LTBP1: variants seen among roughly 807,000 people sequenced by gnomAD.
LTBP1 encodes the protein latent-transforming growth factor beta-binding protein 1.
LTBP1 carries 129 observed loss-of-function variants against 207.6 expected under a neutral mutation model. The ratio of observed to expected loss-of-function variants is 0.62; its 90% CI spans 0.54 to 0.72. LTBP1 has a LOEUF of 0.72. Among genes scored for constraint, LTBP1 ranks in the 30% least tolerant of loss-of-function variants. The pLI, the probability that LTBP1 is intolerant of heterozygous loss-of-function variation, is 0.00. For synonymous variants in LTBP1, 963 were observed against 833.7 expected (o/e 1.16, Z -2.67); for missense variants, 2,281 against 2,217.2 (o/e 1.03, Z -0.58).
chr2:33,089,071 G>A (rs1262981396), intron 3 of LTBP1, among the ~76,000 whole-genome samples: 2 of 148,776 alleles, frequency 1.3e-5, no homozygotes, highest in Non-Finnish European at 3.0e-5. Flanking sequence ...CAGGAGAATC[G>A]CTTGAACCCG....
At chr2:33,208,882 T>TG (rs1414509780) in intron 7 of LTBP1, among the ~76,000 whole-genome samples, 2 of 149,638 alleles carry the variant, frequency 1.3e-5, no homozygotes, top group Non-Finnish European at 3.0e-5. Flanking sequence ...TTTTTTTTTT[T>TG]TTTGAGATGG....
intron 25 of LTBP1, among the ~76,000 whole-genome samples, chr2:33,346,570 G>T (rs1371686889): frequency 1.3e-5 from 2 of 152,014 alleles, no homozygotes; most frequent in African/African-American, 4.8e-5. Flanking sequence ...TATAATCCCA[G>T]CTACTCAGGA....
At chr2:33,237,102 C>G (rs1487152711) in intron 9 of LTBP1, among the ~76,000 whole-genome samples, 1 of 152,060 alleles carries the variant, frequency 6.6e-6, no homozygotes, top group Non-Finnish European at 1.5e-5. Context: ...GAGACTCATA[C>G]AATAGTCTTT....
chr2:33,108,460 T>C (rs1004825536), intron 3 of LTBP1, among the ~76,000 whole-genome samples: 1 of 152,178 alleles, frequency 6.6e-6, no homozygotes, highest in African/African-American at 2.4e-5. Context: ...TGGTTTTACC[T>C]AGTTTATTAC....
Position 33,275,763 on chromosome 2 carries a change from G to A in LTBP1, c.2870-38G>A, listed in dbSNP as rs749840394. ...ATGGGAGAGGTTTGAAACAGTATTT[G>A]GAACACAAAACTCAACAATGCTATC... On this transcript the variant is annotated intron_variant, in intron 17 of 33. Transcript: ENST00000404816. 2.5e-6 allele frequency: 4 copies of A among 1,612,482 alleles called. No homozygotes were observed. In the South Asian group the frequency reaches 3.3e-5, roughly 13 times the overall value.
At chr2:32,978,182 C>CT (rs1682123451) in intron 2 of LTBP1, among the ~76,000 whole-genome samples, 1 of 152,098 alleles carries the variant, frequency 6.6e-6, no homozygotes, top group Non-Finnish European at 1.5e-5. Context: ...TTGACTTCTT[C>CT]CTTTTCAATT....
intron 9 of LTBP1, among the ~76,000 whole-genome samples, chr2:33,237,018 A>C (rs754569336): frequency 8.5e-5 from 13 of 152,192 alleles, no homozygotes; most frequent in Non-Finnish European, 1.9e-4. Context: ...TTTTATAATC[A>C]TGGGACAGTT....
intron 19 of LTBP1, among the ~76,000 whole-genome samples, chr2:33,288,621 C>T (rs762025521): frequency 5.3e-5 from 8 of 151,924 alleles, no homozygotes; most frequent in Non-Finnish European, 1.2e-4. Flanking sequence ...TTTGGGAGGC[C>T]GAGGCGGGCA....
chr2:33,279,955 T>A, intron 18 of LTBP1, 84 bp from the exon 19 acceptor site: 1 of 1,457,240 alleles, frequency 6.9e-7, no homozygotes, highest in Non-Finnish European at 9.5e-7. Flanking sequence ...ATAACATGCT[T>A]TCCCCCGCTG....
chr2:33,255,546 G>A (rs1036049597), intron 11 of LTBP1, among the ~76,000 whole-genome samples: 8 of 152,100 alleles, frequency 5.3e-5, no homozygotes, highest in African/African-American at 1.4e-4. Context: ...TGTTTATTGC[G>A]GCATTATTCA....
chr2:33,077,925 C>CTG (rs1173779767), intron 3 of LTBP1, among the ~76,000 whole-genome samples: 1 of 152,062 alleles, frequency 6.6e-6, no homozygotes, highest in Non-Finnish European at 1.5e-5. Context: ...GGTATCAGTC[C>CTG]ACTGAAAGCA....
At chr2:33,275,573 AC>A (rs1383199601) in intron 17 of LTBP1, among the ~76,000 whole-genome samples, 1 of 152,040 alleles carries the variant, frequency 6.6e-6, no homozygotes, top group African/African-American at 2.4e-5. Context: ...AATCCCAGCT[AC>A]TTGGGAGGCT....
intron 2 of LTBP1, among the ~76,000 whole-genome samples, chr2:32,960,544 C>T (rs1016451517): frequency 6.6e-6 from 1 of 152,146 alleles, no homozygotes; most frequent in Non-Finnish European, 1.5e-5. Flanking sequence ...TCTTTCTGCT[C>T]AATATCATCA....
intron 5 of LTBP1, among the ~76,000 whole-genome samples, chr2:33,149,864 G>C (rs2083370409): frequency 6.6e-6 from 1 of 152,186 alleles, no homozygotes; most frequent in Non-Finnish European, 1.5e-5. Flanking sequence ...AATTCTGAGT[G>C]TGTTTATTTG....
intron 3 of LTBP1, among the ~76,000 whole-genome samples, chr2:33,088,228 T>C (rs1327846515): frequency 6.6e-6 from 1 of 151,948 alleles, no homozygotes; most frequent in Non-Finnish European, 1.5e-5. Context: ...CCAAGGCGGG[T>C]GGATCACGAG....
chr2:33,092,025 T>C (rs1033400630), intron 3 of LTBP1, among the ~76,000 whole-genome samples: 1 of 152,218 alleles, frequency 6.6e-6, no homozygotes, highest in Non-Finnish European at 1.5e-5. Context: ...TTTTACATCT[T>C]GAGTTTTTCA....
At chr2:33,109,028 T>G (rs2080233088) in intron 3 of LTBP1, among the ~76,000 whole-genome samples, 1 of 152,184 alleles carries the variant, frequency 6.6e-6, no homozygotes, top group Non-Finnish European at 1.5e-5. Flanking sequence ...CAAAATAGAT[T>G]TTCCAGGCTT....
chr2:33,025,465 G>T (rs574403742), intron 3 of LTBP1, among the ~76,000 whole-genome samples: 46 of 152,232 alleles, frequency 3.0e-4, no homozygotes, highest in Non-Finnish European at 2.9e-4. Flanking sequence ...ATGGAAGGAC[G>T]CCTCGTAGCT....
At chr2:33,311,532 A>G (rs1325638065) in intron 23 of LTBP1, among the ~76,000 whole-genome samples, 1 of 100,306 alleles carries the variant, frequency 1.0e-5, no homozygotes, top group Non-Finnish European at 2.1e-5. Context: ...ATACCAAGAG[A>G]TGGAAAAAAA....
Sources: gnomAD v4.1 joint callset for allele counts (sites outside exome capture counted in the v4.1 genomes callset) on GRCh38, gnomAD v4.1.1 for gene constraint, MANE v1.5 for transcripts, NCBI Gene and HGNC (gene_info 2026-07-23, HGNC 2026-07-21) for gene names.